The following MEIS2 variants were observed in gnomAD, a reference collection of about 807,000 sequenced individuals.
MEIS2 encodes the protein homeobox protein Meis2.
In MEIS2, 9 loss-of-function variants were observed where a neutral mutation model predicts 58.6. That is an observed-to-expected ratio of 0.15 (90% confidence interval 0.09 to 0.27). MEIS2 has a LOEUF of 0.27. MEIS2 is among the 10% of genes least tolerant of loss of function. The pLI is 1.00. For missense variants in MEIS2, 427 were observed against 635.0 expected (o/e 0.67, Z 3.52); for synonymous variants, 221 against 228.4 (o/e 0.97, Z 0.29).
chr15:36,952,607 C>CTCTCTGTGTG (rs1490440825), intron 8 of MEIS2, among the ~76,000 whole-genome samples: 69 of 140,086 alleles, frequency 4.9e-4, no homozygotes, highest in South Asian at 2.3e-3. Flanking sequence ...GTCTCTCTCT[C>CTCTCTGTGTG]TGTGTGTGTG....
At chr15:37,068,694 A>G (rs1447664557) in intron 7 of MEIS2, among the ~76,000 whole-genome samples, 1 of 152,160 alleles carries the variant, frequency 6.6e-6, no homozygotes, top group Non-Finnish European at 1.5e-5. Context: ...AACTAAGCAA[A>G]TGTTACTAGA....
chr15:36,920,377 C>T (rs1325408379), intron 9 of MEIS2, among the ~76,000 whole-genome samples: 1 of 152,176 alleles, frequency 6.6e-6, no homozygotes, highest in African/African-American at 2.4e-5. Context: ...GAACTCCCGA[C>T]CTCAGGTGAT....
chr15:36,914,037 A>G (rs1440601953), intron 9 of MEIS2, among the ~76,000 whole-genome samples: 2 of 152,202 alleles, frequency 1.3e-5, no homozygotes, highest in African/African-American at 4.8e-5. Flanking sequence ...CTCCAAGGTC[A>G]AAGCGATTGG....
chr15:36,957,602 G>C (rs2059027839), intron 8 of MEIS2, among the ~76,000 whole-genome samples: 1 of 152,128 alleles, frequency 6.6e-6, no homozygotes, highest in Non-Finnish European at 1.5e-5. Flanking sequence ...CTCCTCTCTT[G>C]TGTTTTTATT....
At chr15:36,922,113 T>C (rs2057535135) in intron 9 of MEIS2, among the ~76,000 whole-genome samples, 1 of 152,188 alleles carries the variant, frequency 6.6e-6, no homozygotes, top group African/African-American at 2.4e-5. Flanking sequence ...TTCCACAGGA[T>C]AACGCAGCAC....
At chr15:37,071,719 T>C (rs1890731012) in intron 7 of MEIS2, among the ~76,000 whole-genome samples, 1 of 151,964 alleles carries the variant, frequency 6.6e-6, no homozygotes. Context: ...GGATGGGAGA[T>C]TTGCCCATGA....
rs977139737 is a variant in MEIS2 at position 36,889,386 on chromosome 15, T to G, written c.*2787A>C. ...TAGGAGCAAGTGCCTTCCGGGGTGG[T>G]GTAAAAAAAGCATTATAAAAATTGG... is the stretch of plus-strand genomic sequence containing the variant. On this transcript the variant is annotated 3_prime_UTR_variant, in exon 12 of 12. Transcript: ENST00000561208. 6.6e-6 allele frequency: 1 copy of G among 151,936 alleles called. No individual in the cohort carries two copies. The highest frequency in any genetic ancestry group is 1.5e-5 in the Non-Finnish European group (1 of 68,006). The allele number at this position is 151,936 out of a possible 1,614,324, so 9.4% of individuals were successfully genotyped here.
rs575907573 is a variant in MEIS2 at position 37,041,935 on chromosome 15, G to T, written c.755-4976C>A. The stretch of plus-strand genomic sequence containing the variant: ...CTCATGCCTGTAATCCCAGCACTTT[G>T]AGAGGCCTGTTTGGGAGGATTGCTA... On this transcript the variant is annotated intron_variant, in intron 7 of 11. Transcript: ENST00000561208. Among the ~76,000 whole-genome samples the T allele has an allele frequency of 6.6e-5, 10 of 152,250 alleles. No individual in the cohort carries two copies. The South Asian group carries it at 1.5e-3, about 22-fold the overall frequency.
At chr15:37,093,966 T>TAC (rs1567291430) in intron 5 of MEIS2, 1 of 491,554 alleles carries the variant, frequency 2.0e-6, no homozygotes, top group Non-Finnish European at 3.6e-6. Flanking sequence ...CAAGTTACAA[T>TAC]AGAGAGAGAA....
intron 8 of MEIS2, among the ~76,000 whole-genome samples, chr15:36,982,079 A>G (rs2059943698): frequency 6.6e-6 from 1 of 152,144 alleles, no homozygotes; most frequent in Non-Finnish European, 1.5e-5. Context: ...TGCAGATGGT[A>G]TATCATGGGG....
Position 36,978,649 on chromosome 15 carries a change from T to A in MEIS2, c.901-28249A>T, listed in dbSNP as rs60009896. Among the ~76,000 whole-genome samples, 887 of 152,348 alleles carry A rather than the reference T, an allele frequency of 5.8e-3. 6 individuals are homozygous for A. The highest frequency in any genetic ancestry group is 0.02 in the African/African-American group (838 of 41,580). On this transcript the variant is annotated intron_variant, in intron 8 of 11. Transcript: ENST00000561208. ...ATCCAGAAAGGGCTAGTATTTTGTG[T>A]CTTTACCTCCCAAAACTTTTTCTTT...
chr15:37,098,875 G>A (rs1410972771), intron 1 of MEIS2: 4 of 977,706 alleles, frequency 4.1e-6, no homozygotes, highest in South Asian at 4.7e-5. Context: ...AGCGGAGGGT[G>A]GGGGGGCGAA....
chr15:37,087,192 C>A (rs777634223), intron 6 of MEIS2, among the ~76,000 whole-genome samples: 1 of 152,066 alleles, frequency 6.6e-6, no homozygotes, highest in Non-Finnish European at 1.5e-5. Flanking sequence ...TGTTCTCCAG[C>A]CAAAAAAATC....
chr15:37,099,677 T>C lies in MEIS2; in HGVS notation c.-211A>G, dbSNP rs1567303334. 3 of 554,054 alleles carry C rather than the reference T, an allele frequency of 5.4e-6. No homozygotes were observed. The highest frequency in any genetic ancestry group is 1.9e-5 in the African/African-American group (1 of 52,050). The allele number at this position is 554,054 out of a possible 1,614,324, so 34.3% of individuals were successfully genotyped here. A position where few individuals can be genotyped will look rare whatever the true frequency, so the allele number is the denominator to read the frequency against. On this transcript the variant is annotated 5_prime_UTR_variant, in exon 1 of 12. Transcript: ENST00000561208. ...TTCTGTGATATTTCTTCTTTTTCTCTTTTTTCCTCTTCTTCCTCCTCCTCC... is the reference window on the plus strand; with the variant it reads ...TTCTGTGATATTTCTTCTTTTTCTCCTTTTTCCTCTTCTTCCTCCTCCTCC...
intron 8 of MEIS2, among the ~76,000 whole-genome samples, chr15:36,984,397 T>C (rs1448288584): frequency 6.6e-6 from 1 of 152,220 alleles, no homozygotes; most frequent in Non-Finnish European, 1.5e-5. Context: ...GTCACATTTA[T>C]TGATTTACAT....
intron 8 of MEIS2, among the ~76,000 whole-genome samples, chr15:36,987,819 A>C (rs1254293550): frequency 1.3e-5 from 2 of 152,102 alleles, no homozygotes; most frequent in Non-Finnish European, 2.9e-5. Flanking sequence ...TCAGTCACCA[A>C]ACTGACCACT....
intron 7 of MEIS2, among the ~76,000 whole-genome samples, chr15:37,083,325 A>C (rs1033425486): frequency 1.3e-5 from 2 of 152,224 alleles, no homozygotes; most frequent in Admixed American, 1.3e-4. Context: ...CAATATTTCC[A>C]GAGCTAATAA....
intron 8 of MEIS2, among the ~76,000 whole-genome samples, chr15:37,018,053 A>C (rs2061408439): frequency 6.6e-6 from 1 of 152,208 alleles, no homozygotes; most frequent in South Asian, 2.1e-4. Context: ...CCTAGGAGGA[A>C]GTATTATCAT....
At chr15:37,012,201 A>C (rs927115750) in intron 8 of MEIS2, among the ~76,000 whole-genome samples, 2 of 152,220 alleles carry the variant, frequency 1.3e-5, no homozygotes, top group Admixed American at 1.3e-4. Flanking sequence ...TATATGAAGC[A>C]TGTCCAATAA....
Sources: allele counts gnomAD v4.1 joint callset (sites outside exome capture counted in the v4.1 genomes callset), GRCh38; gene constraint gnomAD v4.1.1; transcripts MANE v1.5; gene names NCBI Gene and HGNC (gene_info 2026-07-23, HGNC 2026-07-21).